PEX1: variants seen among roughly 807,000 people sequenced by gnomAD.
PEX1 encodes the protein peroxisomal biogenesis factor 1, also known as peroxisomal ATPase PEX1.
Under a neutral mutation model 152.5 loss-of-function variants are expected in PEX1, and 97 were observed. That is an observed-to-expected ratio of 0.64 (90% CI 0.54 to 0.75). The LOEUF is 0.75. Among genes scored for constraint, PEX1 ranks in the 30% least tolerant of loss-of-function variants. PEX1 has a pLI of 0.00. For missense variants in PEX1, 1,357 were observed against 1,516.3 expected (o/e 0.89, Z 1.74); for synonymous variants, 485 against 531.6 (o/e 0.91, Z 1.21).
At position 92,496,697 on chromosome 7, in the gene PEX1, TTCATAGGCTAC is replaced by T; in HGVS notation, c.2783+5_2783+15del. ...AACAGAGTCAGTTACTTTAAAAACA[TTCATAGGCTAC>T]CAACCTAATAAAAATATCCCGAACA... is the stretch of plus-strand genomic sequence containing the variant. On this transcript the variant is annotated splice_donor_5th_base_variant and intron_variant, in intron 17 of 23. Coordinates refer to ENST00000248633, the MANE Select transcript of PEX1 (RefSeq NM_000466.3). 2.6e-6 allele frequency: 4 copies of T among 1,558,160 alleles called. No homozygotes were observed. The highest frequency in any genetic ancestry group is 3.5e-6 in the Non-Finnish European group (4 of 1,129,130).
intron 5 of PEX1, among the ~76,000 whole-genome samples, chr7:92,514,469 C>A (rs1792629847): frequency 6.6e-6 from 1 of 152,106 alleles, no homozygotes; most frequent in South Asian, 2.1e-4. Context: ...TCACCAAACC[C>A]ATCTTTTAAA....
intron 20 of PEX1, 44 bp from the exon 21 acceptor site, chr7:92,491,546 T>C: frequency 8.6e-7 from 1 of 1,159,978 alleles, no homozygotes; most frequent in Admixed American, 1.7e-5. Flanking sequence ...TGTAAACAAT[T>C]TTAGTCTCAG....
chr7:92,528,270 A>T, intron 1 of PEX1, 37 bp downstream of exon 1: 2 of 1,547,472 alleles, frequency 1.3e-6, no homozygotes, highest in Non-Finnish European at 1.7e-6. Flanking sequence ...GTCCGACCCC[A>T]GGCTGAAGAT....
At chr7:92,499,909 G>C in intron 15 of PEX1, 71 bp from the exon 16 acceptor site, 1 of 1,271,220 alleles carries the variant, frequency 7.9e-7, no homozygotes, top group Non-Finnish European at 1.1e-6. Flanking sequence ...AGCAGCTAAA[G>C]ATCAATGTAT....
rs755715309 is a variant in PEX1, at chr7:92,489,273, A to G, written c.3767+20T>C. 6.2e-7 allele frequency: 1 copy of G among 1,609,982 alleles called. No individual in the cohort carries two copies. The highest frequency in any genetic ancestry group is 8.5e-7 in the Non-Finnish European group (1 of 1,176,584). On this transcript the variant is annotated intron_variant, in intron 23 of 23. Transcript: ENST00000248633. ...ACTTGTAATAGTAGCTGTACTTCCA[A>G]AACAGAATCTGTTACTTACAGCTCA...
chr7:92,500,791 T>C (rs1309576236), intron 15 of PEX1, among the ~76,000 whole-genome samples: 1 of 152,142 alleles, frequency 6.6e-6, no homozygotes, highest in Non-Finnish European at 1.5e-5. Flanking sequence ...GACTCTACCA[T>C]CTGATCTTCT....
rs775097728 is a variant in PEX1, at chr7:92,494,414, A to AT, written c.2927-19dup. 6.2e-6 allele frequency: 10 copies of AT among 1,611,814 alleles called. No individual in the cohort carries two copies. In the East Asian group the frequency reaches 6.7e-5, roughly 11 times the overall value. On this transcript the variant is annotated intron_variant, in intron 18 of 23. Coordinates refer to ENST00000248633, the MANE Select transcript of PEX1 (RefSeq NM_000466.3). ...ATAAACACCTAGAGGAAAAAAGAAC[A>AT]TTTTTTTACCAAAATCTGATGACAT...
In PEX1 at chr7:92,494,344, C is replaced by T. The variant is rs768697489; in HGVS notation, c.2979G>A (p.Leu993=). 2 of 1,613,988 alleles carry T rather than the reference C, an allele frequency of 1.2e-6. No individual in the cohort carries two copies. The highest frequency in any genetic ancestry group is 8.5e-7 in the Non-Finnish European group (1 of 1,179,980). Reference sequence around the variant, plus strand: ...ATTTATCTAGTCGACCAGGCCTAAGCAGGGCAGGGTCAATCAAGTCAGGGC... The same window carrying T: ...ATTTATCTAGTCGACCAGGCCTAAGTAGGGCAGGGTCAATCAAGTCAGGGC... ...TSRPDLIDPA[L]LRPGRLDKCV... is the part of the protein sequence containing the mutation. Residue 993 remains leucine, a synonymous_variant, in exon 19 of 24, where the codon CTG becomes CTA. Coordinates refer to ENST00000248633, the MANE Select transcript of PEX1 (RefSeq NM_000466.3).
rs2116245323 is a variant in PEX1, at chr7:92,517,680, TTGAC to T, written c.831_834del (p.Ser278ArgfsTer5). 7 of 1,613,874 alleles carry T rather than the reference TTGAC, an allele frequency of 4.3e-6. No individual in the cohort carries two copies. The highest frequency in any genetic ancestry group is 5.9e-6 in the Non-Finnish European group (7 of 1,179,938). On this transcript the variant is annotated frameshift_variant, in exon 5 of 24. Transcript: ENST00000248633. LOFTEE classifies it high-confidence loss of function. ...AAAATATTGTCTAGAGGAACAACCT[TTGAC>T]TGCATATTTTTGAATGCATTGATTT...
intron 23 of PEX1, 63 bp from the exon 24 acceptor site, chr7:92,487,604 G>A: frequency 1.4e-6 from 1 of 709,556 alleles, no homozygotes; most frequent in Non-Finnish European, 2.4e-6. Flanking sequence ...AAAAGATAAT[G>A]GATTGTTGGC....
intron 16 of PEX1, among the ~76,000 whole-genome samples, chr7:92,498,091 CTA>C (rs1261999624): frequency 4.6e-5 from 6 of 129,796 alleles, no homozygotes; most frequent in African/African-American, 1.8e-4. Flanking sequence ...AAAAAAAAAA[CTA>C]AGGCAAAATA....
rs1244939145 is a variant in PEX1 at position 92,517,687 on chromosome 7, C to T, written c.828G>A (p.Met276Ile). The T allele has an allele frequency of 6.2e-7, 1 of 1,613,640 alleles. No individual in the cohort carries two copies. The highest frequency in any genetic ancestry group is 8.5e-7 in the Non-Finnish European group (1 of 1,179,838). Reference protein sequence around the residue: ...GLTEINAFKNMQSKVVPLDNI... With the variant: ...GLTEINAFKNIQSKVVPLDNI... ...TGTCTAGAGGAACAACCTTTGACTGCATATTTTTGAATGCATTGATTTCAG... is the reference window on the plus strand; with the variant it reads ...TGTCTAGAGGAACAACCTTTGACTGTATATTTTTGAATGCATTGATTTCAG... Residue 276 changes from methionine to isoleucine, a missense_variant, in exon 5 of 24, where the codon ATG becomes ATA. Physicochemically the swap from Met to Ile is conservative, Grantham distance 10. Coordinates refer to ENST00000248633, the MANE Select transcript of PEX1 (RefSeq NM_000466.3).
intron 2 of PEX1, among the ~76,000 whole-genome samples, chr7:92,519,551 T>C (rs1251555028): frequency 6.6e-6 from 1 of 152,158 alleles, no homozygotes; most frequent in East Asian, 1.9e-4. Context: ...ATCATTAAAA[T>C]GTAAAAATGT....
At chr7:92,508,790 CTACT>C (rs1372463777) in intron 9 of PEX1, among the ~76,000 whole-genome samples, 2 of 151,786 alleles carry the variant, frequency 1.3e-5, no homozygotes, top group South Asian at 2.1e-4. Flanking sequence ...TTATCTAGCC[CTACT>C]TAATCAAAAG....
intron 23 of PEX1, among the ~76,000 whole-genome samples, chr7:92,488,264 G>T (rs1791046523): frequency 6.6e-6 from 1 of 152,158 alleles, no homozygotes; most frequent in African/African-American, 2.4e-5. Context: ...TATGCTTTGG[G>T]AGGTGGTGGG....
intron 9 of PEX1, among the ~76,000 whole-genome samples, chr7:92,508,649 A>G (rs143507516): frequency 1.5e-3 from 226 of 152,312 alleles, no homozygotes; most frequent in African/African-American, 5.2e-3. Flanking sequence ...CCATTCTAAG[A>G]AATCAAATCC....
chr7:92,515,676 C>T (rs749602768), intron 5 of PEX1, among the ~76,000 whole-genome samples: 37 of 152,082 alleles, frequency 2.4e-4, no homozygotes, highest in Admixed American at 9.2e-4. Context: ...ATCTCCTGAA[C>T]GGACAGTTTA....
In PEX1 at chr7:92,518,759, G is replaced by A. The variant is rs551190288; in HGVS notation, c.357+236C>T. Among the ~76,000 whole-genome samples, 5 of 152,126 alleles carry A rather than the reference G, an allele frequency of 3.3e-5. No individual in the cohort carries two copies. The East Asian group carries it at 5.8e-4, about 18-fold the overall frequency. On this transcript the variant is annotated intron_variant, in intron 3 of 23. Coordinates refer to ENST00000248633, the MANE Select transcript of PEX1 (RefSeq NM_000466.3). Reference sequence around the variant, plus strand: ...TAATTTTTGTATTTTTAGTAGATACGGGGTTTCACCATGTTGCCCAGCCTG... The same window carrying A: ...TAATTTTTGTATTTTTAGTAGATACAGGGTTTCACCATGTTGCCCAGCCTG...
At chr7:92,506,566 T>C (rs1792201895) in intron 10 of PEX1, 1 of 561,214 alleles carries the variant, frequency 1.8e-6, no homozygotes, top group Non-Finnish European at 3.2e-6. Context: ...TGCAAACTAA[T>C]CACTTTCAAA....
Sources: allele counts gnomAD v4.1 joint callset (sites outside exome capture counted in the v4.1 genomes callset), GRCh38; gene constraint gnomAD v4.1.1; transcripts MANE v1.5; gene names NCBI Gene and HGNC (gene_info 2026-07-23, HGNC 2026-07-21).